PTPRT: variants seen among roughly 807,000 people sequenced by gnomAD.
PTPRT encodes the protein receptor-type tyrosine-protein phosphatase T.
Under a neutral mutation model 176.8 loss-of-function variants are expected in PTPRT, and 56 were observed. That is an observed-to-expected ratio of 0.32 (90% CI 0.26 to 0.40). The LOEUF is 0.40. Among genes scored for constraint, PTPRT ranks in the 10% least tolerant of loss-of-function variants. The pLI is 1.00. For synonymous variants in PTPRT, 783 were observed against 739.0 expected, an observed-to-expected ratio of 1.06 and a Z score of -0.96; for missense variants, 1,540 against 1,908.2, an observed-to-expected ratio of 0.81 and a Z score of 3.60.
chr20:42,303,629 A>C (rs1171547537), intron 12 of PTPRT, among the ~76,000 whole-genome samples: 5 of 152,292 alleles, frequency 3.3e-5, no homozygotes, highest in Admixed American at 1.3e-4. Context: ...GTGTTAAATG[A>C]GAATACATAT....
At chr20:42,294,899 AC>A in intron 12 of PTPRT, among the ~76,000 whole-genome samples, 1 of 152,276 alleles carries the variant, frequency 6.6e-6, no homozygotes, top group Non-Finnish European at 1.5e-5. Context: ...AATAAGGGGC[AC>A]TAAAGAAAGA....
rs117811689 is a variant in PTPRT, at chr20:42,162,657, T to A, written c.2492-1115A>T. On this transcript the variant is annotated intron_variant, in intron 16 of 30. Transcript: ENST00000373187. ...GAGAACTGCCAGCTGCAGCAGTTAA[T>A]GTGTCTCCCCCAGATGTTTTCAGAC... 5.8e-3 allele frequency among the ~76,000 whole-genome samples: 887 copies of A among 152,370 alleles called. 4 individuals carry two copies. The highest frequency in any genetic ancestry group is 9.7e-3 in the Non-Finnish European group (662 of 68,030).
At chr20:42,896,473 T>C (rs2079300009) in intron 1 of PTPRT, among the ~76,000 whole-genome samples, 1 of 151,882 alleles carries the variant, frequency 6.6e-6, no homozygotes, top group Non-Finnish European at 1.5e-5. Flanking sequence ...CCGTCTTCAC[T>C]AAAAATACAA....
chr20:42,481,468 T>G (rs1370785405), intron 7 of PTPRT, among the ~76,000 whole-genome samples: 1 of 152,170 alleles, frequency 6.6e-6, no homozygotes, highest in East Asian at 1.9e-4. Flanking sequence ...TAGAATTTAC[T>G]TCTAACATTT....
At chr20:43,188,953 G>A (rs2015468688) in intron 1 of PTPRT, among the ~76,000 whole-genome samples, 1 of 151,588 alleles carries the variant, frequency 6.6e-6, no homozygotes, top group Non-Finnish European at 1.5e-5. Context: ...TGAGTTCCCC[G>A]AACTTTTCAG....
chr20:42,563,474 T>C (rs562132655), intron 7 of PTPRT, among the ~76,000 whole-genome samples: 2 of 152,292 alleles, frequency 1.3e-5, no homozygotes, highest in Non-Finnish European at 2.9e-5. Flanking sequence ...ACCATATAAA[T>C]GTGGCCAAGT....
At chr20:42,723,117 G>A (rs546481291) in intron 6 of PTPRT, among the ~76,000 whole-genome samples, 1 of 152,274 alleles carries the variant, frequency 6.6e-6, no homozygotes, top group South Asian at 2.1e-4. Flanking sequence ...TTGACTTTCT[G>A]GGAGTGTTAA....
chr20:43,101,163 A>T (rs2012378467), intron 1 of PTPRT, among the ~76,000 whole-genome samples: 2 of 152,176 alleles, frequency 1.3e-5, no homozygotes, highest in Admixed American at 6.5e-5. Context: ...GCATACAAAG[A>T]TAAGAAAATT....
At chr20:42,952,754 A>G (rs1224137479) in intron 1 of PTPRT, among the ~76,000 whole-genome samples, 1 of 152,176 alleles carries the variant, frequency 6.6e-6, no homozygotes, top group Non-Finnish European at 1.5e-5. Context: ...CCACATGACA[A>G]TCCTGAGAAT....
intron 1 of PTPRT, among the ~76,000 whole-genome samples, chr20:42,992,153 T>C (rs906242978): frequency 3.9e-5 from 6 of 152,234 alleles, no homozygotes; most frequent in African/African-American, 7.2e-5. Flanking sequence ...CCCCAAGTCA[T>C]AGTTCGCTAT....
chr20:42,868,923 C>T (rs1478141324), intron 2 of PTPRT, among the ~76,000 whole-genome samples: 1 of 152,122 alleles, frequency 6.6e-6, no homozygotes. Context: ...TCCTTAGATG[C>T]CCCAGATGTG....
chr20:42,330,321 A>T (rs2057949530), intron 11 of PTPRT, among the ~76,000 whole-genome samples: 2 of 151,914 alleles, frequency 1.3e-5, no homozygotes, highest in Admixed American at 1.3e-4. Context: ...AAATACAAAA[A>T]AATTAGCTGG....
chr20:42,260,156 C>G (rs1475277035), intron 13 of PTPRT, among the ~76,000 whole-genome samples: 1 of 152,256 alleles, frequency 6.6e-6, no homozygotes, highest in Admixed American at 6.5e-5. Flanking sequence ...CCCAGCTCTG[C>G]TTAAACAAAA....
intron 1 of PTPRT, among the ~76,000 whole-genome samples, chr20:43,115,045 A>T (rs1300662725): frequency 1.3e-5 from 2 of 152,136 alleles, no homozygotes; most frequent in Non-Finnish European, 2.9e-5. Context: ...GCGCCATTTC[A>T]TTGCATATAT....
chr20:42,670,840 G>C (rs1364195597), intron 7 of PTPRT, among the ~76,000 whole-genome samples: 1 of 152,148 alleles, frequency 6.6e-6, no homozygotes, highest in East Asian at 1.9e-4. Flanking sequence ...GCGAAGTTTG[G>C]GGGGATAAAA....
intron 1 of PTPRT, among the ~76,000 whole-genome samples, chr20:42,956,982 G>T (rs890874674): frequency 6.6e-6 from 1 of 152,138 alleles, no homozygotes; most frequent in African/African-American, 2.4e-5. Context: ...CCACCCATTG[G>T]AAATGCAGAT....
rs1275788095 is a variant in PTPRT at position 42,257,657 on chromosome 20, G to A, written c.2177-8835C>T. ...CACCTCCCCCCACCCCCCCCCCCCC[G>A]CCCACTACTCTCTCTTGATCCTGAT... On this transcript the variant is annotated intron_variant, in intron 13 of 30. Transcript: ENST00000373187. Among the ~76,000 whole-genome samples the A allele has an allele frequency of 1.9e-4, 4 of 20,630 alleles. No homozygotes were observed. In the Admixed American group the frequency reaches 2.2e-3, roughly 11 times the overall value. 13.5% of individuals were successfully genotyped at this position (20,630 alleles called of 152,430 possible).
intron 16 of PTPRT, among the ~76,000 whole-genome samples, chr20:42,181,044 T>C (rs1990499877): frequency 6.6e-6 from 1 of 152,220 alleles, no homozygotes; most frequent in Admixed American, 6.5e-5. Flanking sequence ...TGATATAACG[T>C]ATGCACAGCA....
At chr20:42,921,641 T>G (rs556610859) in intron 1 of PTPRT, among the ~76,000 whole-genome samples, 161 of 152,308 alleles carry the variant, frequency 1.1e-3, no homozygotes, top group Non-Finnish European at 1.9e-3. Flanking sequence ...CTAACAGTCA[T>G]ACATGTTCAC....
Sources: gnomAD v4.1 joint callset for allele counts (sites outside exome capture counted in the v4.1 genomes callset) on GRCh38, gnomAD v4.1.1 for gene constraint, MANE v1.5 for transcripts, NCBI Gene and HGNC (gene_info 2026-07-23, HGNC 2026-07-21) for gene names.